The following HMG20A variants were observed in gnomAD, a reference collection of about 807,000 sequenced individuals.
The protein encoded by HMG20A is high mobility group 20A, also known as high mobility group protein 20A.
HMG20A carries 17 observed loss-of-function variants against 43.9 expected under a neutral mutation model. The observed-to-expected ratio is 0.39, with a 90% CI of 0.27 to 0.58. The LOEUF (loss-of-function observed/expected upper bound fraction) is 0.58. HMG20A is among the 20% of genes least tolerant of loss of function. The probability of loss-of-function intolerance (pLI) is 0.59; values close to 1 mark genes in which losing one functional copy is unlikely to be tolerated. For missense variants in HMG20A, 341 were observed against 438.2 expected (o/e 0.78, Z 1.98); for synonymous variants, 132 against 147.5 (o/e 0.89, Z 0.76).
intron 1 of HMG20A, among the ~76,000 whole-genome samples, chr15:77,430,641 A>T (rs2073474862): frequency 6.6e-6 from 1 of 152,196 alleles, no homozygotes; most frequent in Non-Finnish European, 1.5e-5. Flanking sequence ...GAGCAGACAA[A>T]ACTTGGATTT....
the HMG20A span, among the ~76,000 whole-genome samples, chr15:77,515,199 G>A: frequency 5.3e-5 from 8 of 152,280 alleles, no homozygotes; most frequent in South Asian, 1.7e-3. Context: ...ACACAAATGA[G>A]GGGAGTGGCC....
intron 2 of HMG20A, among the ~76,000 whole-genome samples, chr15:77,462,828 A>C (rs917811613): frequency 2.2e-5 from 3 of 137,610 alleles, no homozygotes; most frequent in Admixed American, 1.6e-4. Flanking sequence ...GTTGGAGTGC[A>C]GTGGCATGAT....
the HMG20A span, among the ~76,000 whole-genome samples, chr15:77,494,561 A>T: frequency 6.6e-6 from 1 of 152,114 alleles, no homozygotes. Flanking sequence ...TTAAACTTAC[A>T]TGAGTCTGCC....
Position 77,464,252 on chromosome 15 carries a change from A to T in HMG20A, c.102A>T (p.Pro34=). Residue 34 remains proline, a synonymous_variant, in exon 3 of 10, where the codon CCA becomes CCT. Transcript: ENST00000336216. The stretch of plus-strand genomic sequence containing the variant: ...GCCTATTATTCAGGTTAAATCACCC[A>T]GAGGTTCCATACAGTAGTGGCGCCA... ...NDLATTGLNH[P]EVPYSSGATS... is the part of the protein sequence containing the mutation. The T allele has an allele frequency of 1.2e-6, 2 of 1,613,752 alleles. No individual in the cohort carries two copies. Among genetic ancestry groups the T allele is most frequent in the Non-Finnish European group, 1.7e-6 (2 of 1,179,742 alleles).
At chr15:77,426,346 C>T (rs763382702) in intron 1 of HMG20A, among the ~76,000 whole-genome samples, 3 of 152,062 alleles carry the variant, frequency 2.0e-5, no homozygotes. Context: ...GGAAGCCTTA[C>T]CAATAGCATA....
chr15:77,481,266 A>T (rs1417362487), intron 9 of HMG20A, among the ~76,000 whole-genome samples: 1 of 152,186 alleles, frequency 6.6e-6, no homozygotes, highest in Non-Finnish European at 1.5e-5. Context: ...AATGGACTGT[A>T]CTTCTTAGAG....
chr15:77,505,218 A>T, the HMG20A span, among the ~76,000 whole-genome samples: 6 of 152,190 alleles, frequency 3.9e-5, no homozygotes, highest in Non-Finnish European at 7.3e-5. Flanking sequence ...CCAGCAATGC[A>T]TGAGTTGGGA....
the HMG20A span, among the ~76,000 whole-genome samples, chr15:77,515,604 T>TA: frequency 6.6e-6 from 1 of 152,020 alleles, no homozygotes; most frequent in East Asian, 1.9e-4. Context: ...AACTGCTGAT[T>TA]AAAAAAATAT....
At chr15:77,508,370 C>T in the HMG20A span, among the ~76,000 whole-genome samples, 1 of 152,224 alleles carries the variant, frequency 6.6e-6, no homozygotes, top group Non-Finnish European at 1.5e-5. Context: ...TAGTTGCTTC[C>T]TGAGCACCCA....
At chr15:77,437,421 C>G (rs1008853225) in intron 1 of HMG20A, among the ~76,000 whole-genome samples, 8 of 152,160 alleles carry the variant, frequency 5.3e-5, no homozygotes, top group African/African-American at 1.9e-4. Context: ...GCCCTGAGAG[C>G]ATGAAGGAGT....
intron 1 of HMG20A, among the ~76,000 whole-genome samples, chr15:77,435,884 T>A (rs962055327): frequency 2.6e-5 from 4 of 152,060 alleles, no homozygotes; most frequent in Non-Finnish European, 5.9e-5. Flanking sequence ...CCTCTGTTCA[T>A]GTCCTTTTTG....
chr15:77,491,563 T>C, the HMG20A span, among the ~76,000 whole-genome samples: 67 of 152,212 alleles, frequency 4.4e-4, no homozygotes, highest in African/African-American at 1.6e-3. Flanking sequence ...AGGAAGTCCC[T>C]CTCCACTGGA....
rs114215146 is a variant in HMG20A, at chr15:77,467,891, T to C, written c.450+584T>C. On this transcript the variant is annotated intron_variant, in intron 4 of 9. Coordinates refer to ENST00000336216, the MANE Select transcript of HMG20A (RefSeq NM_001304504.2). ...TAAGGACAAGATAGCCATGAGCTGG[T>C]TGAAGTACCACTAAAGCTGAGCAGT... Among the ~76,000 whole-genome samples, 554 of 152,336 alleles carry C rather than the reference T, an allele frequency of 3.6e-3. 2 individuals carry two copies. The highest frequency in any genetic ancestry group is 0.011 in the African/African-American group (441 of 41,572).
chr15:77,484,479 T>A lies in HMG20A; in HGVS notation c.*1516T>A, dbSNP rs562160296. 3 of 152,680 alleles carry A rather than the reference T, an allele frequency of 2.0e-5. No homozygotes were observed. Among genetic ancestry groups the A allele is most frequent in the Non-Finnish European group, 2.9e-5 (2 of 68,032 alleles). 9.5% of individuals were successfully genotyped at this position (152,680 alleles called of 1,614,324 possible). A position where few individuals can be genotyped will look rare whatever the true frequency, so the allele number is the denominator to read the frequency against. ...TAGAAGTGCGGCCCCTCTCATAGTA[T>A]GCCCATAAGTCAGGGCATAGGGCAG... is the stretch of plus-strand genomic sequence containing the variant. On this transcript the variant is annotated 3_prime_UTR_variant, in exon 10 of 10. Transcript: ENST00000336216.
the HMG20A span, among the ~76,000 whole-genome samples, chr15:77,516,667 A>G: frequency 6.6e-6 from 1 of 152,116 alleles, no homozygotes; most frequent in African/African-American, 2.4e-5. Flanking sequence ...GAGTGGTGAG[A>G]AGGGCACTGA....
chr15:77,443,954 A>G (rs1268656467), intron 1 of HMG20A, among the ~76,000 whole-genome samples: 1 of 151,878 alleles, frequency 6.6e-6, no homozygotes, highest in East Asian at 1.9e-4. Context: ...CAAGCAATTC[A>G]CCTGCCTCAG....
intron 1 of HMG20A, among the ~76,000 whole-genome samples, chr15:77,438,799 CT>C (rs201957957): frequency 5.4e-5 from 8 of 148,974 alleles, no homozygotes; most frequent in African/African-American, 7.4e-5. Flanking sequence ...TTTCAAGTTT[CT>C]TTTTTTTTTG....
the HMG20A span, among the ~76,000 whole-genome samples, chr15:77,504,248 G>A: frequency 3.3e-5 from 5 of 152,234 alleles, no homozygotes; most frequent in African/African-American, 1.2e-4. Context: ...GGGGTCCAGA[G>A]GAAGGAGGAA....
At chr15:77,475,725 T>C (rs536082351) in intron 6 of HMG20A, among the ~76,000 whole-genome samples, 8 of 152,350 alleles carry the variant, frequency 5.3e-5, no homozygotes, top group Non-Finnish European at 1.0e-4. Flanking sequence ...TTTGTTTTCC[T>C]GCAGCAGCCC....
Sources: gnomAD v4.1 joint callset for allele counts (sites outside exome capture counted in the v4.1 genomes callset) on GRCh38, gnomAD v4.1.1 for gene constraint, MANE v1.5 for transcripts, NCBI Gene and HGNC (gene_info 2026-07-23, HGNC 2026-07-21) for gene names.